Variants in SERGEF observed in about 807,000 individuals in gnomAD.
The protein encoded by SERGEF is secretion regulating guanine nucleotide exchange factor.
A neutral mutation model predicts 50.0 loss-of-function variants in SERGEF; 51 were observed. The observed-to-expected ratio is 1.02, with a 90% CI of 0.81 to 1.29. SERGEF has a LOEUF of 1.29. Among genes scored for constraint, SERGEF ranks in the 50% most tolerant of loss-of-function variants. The probability of loss-of-function intolerance (pLI) is 0.00; values close to 1 mark genes in which losing one functional copy is unlikely to be tolerated. For synonymous variants in SERGEF, 205 were observed against 212.4 expected, an observed-to-expected ratio of 0.97 and a Z score of 0.30; for missense variants, 521 against 557.0, an observed-to-expected ratio of 0.94 and a Z score of 0.65.
At chr11:17,834,683 T>C (rs1590144463) in intron 10 of SERGEF, among the ~76,000 whole-genome samples, 1 of 152,238 alleles carries the variant, frequency 6.6e-6, no homozygotes, top group East Asian at 1.9e-4. Context: ...AGCCTGAAGT[T>C]TTTTGCTTCC....
intron 8 of SERGEF, among the ~76,000 whole-genome samples, chr11:17,961,177 C>T (rs1852988975): frequency 6.6e-6 from 1 of 152,216 alleles, no homozygotes. Context: ...CCCAGGGTCA[C>T]ACAGCTAAGC....
At chr11:17,969,920 C>A (rs1439173570) in intron 8 of SERGEF, among the ~76,000 whole-genome samples, 12 of 152,220 alleles carry the variant, frequency 7.9e-5, no homozygotes. Flanking sequence ...CCTTAGAGAA[C>A]TTCTTACCCA....
intron 9 of SERGEF, among the ~76,000 whole-genome samples, chr11:17,938,815 T>C (rs1203680359): frequency 2.0e-5 from 3 of 152,200 alleles, no homozygotes; most frequent in Non-Finnish European, 4.4e-5. Context: ...AGTAGATCTA[T>C]GATACAAGTG....
rs1201990424 is a variant in SERGEF, at chr11:17,951,776, C to A, written c.1011+7694G>T. On this transcript the variant is annotated intron_variant, in intron 9 of 10. Coordinates refer to ENST00000265965, the MANE Select transcript of SERGEF (RefSeq NM_012139.4). Reference sequence around the variant, plus strand: ...TTCTGCCATGTACTGTGACTTTGAGCAGTGACAGCTTTCTTTCTCAACTTC... The same window carrying A: ...TTCTGCCATGTACTGTGACTTTGAGAAGTGACAGCTTTCTTTCTCAACTTC... Among the ~76,000 whole-genome samples the A allele has an allele frequency of 2.0e-5, 3 of 152,174 alleles. No homozygotes were observed. The East Asian group carries it at 5.8e-4, about 29-fold the overall frequency.
chr11:17,808,433 T>C (rs1006213553), intron 10 of SERGEF, among the ~76,000 whole-genome samples: 8 of 152,144 alleles, frequency 5.3e-5, no homozygotes, highest in Non-Finnish European at 8.8e-5. Context: ...GGAAGTGCCA[T>C]GCGCTTTTAA....
At chr11:17,950,475 G>A (rs981294226) in intron 9 of SERGEF, among the ~76,000 whole-genome samples, 1 of 152,202 alleles carries the variant, frequency 6.6e-6, no homozygotes, top group Non-Finnish European at 1.5e-5. Flanking sequence ...TAAAGAAAAA[G>A]AGCATAGTGC....
At chr11:17,967,810 G>A (rs1311393708) in intron 8 of SERGEF, among the ~76,000 whole-genome samples, 6 of 152,130 alleles carry the variant, frequency 3.9e-5, no homozygotes, top group Non-Finnish European at 7.4e-5. Flanking sequence ...TCCTTCCTGG[G>A]CCTTAGGGCC....
chr11:17,897,065 A>C (rs1255253395), intron 9 of SERGEF, among the ~76,000 whole-genome samples: 1 of 152,190 alleles, frequency 6.6e-6, no homozygotes, highest in Non-Finnish European at 1.5e-5. Context: ...AAAAGCTGAG[A>C]GTTTTCTCTG....
chr11:17,906,159 A>G (rs1243291970), intron 9 of SERGEF, among the ~76,000 whole-genome samples: 2 of 152,170 alleles, frequency 1.3e-5, no homozygotes, highest in Non-Finnish European at 2.9e-5. Flanking sequence ...TGGATGCTAC[A>G]TAGTTGGAGC....
At chr11:17,793,892 C>T (rs1392703161) in intron 10 of SERGEF, among the ~76,000 whole-genome samples, 2 of 152,242 alleles carry the variant, frequency 1.3e-5, no homozygotes, top group African/African-American at 4.8e-5. Context: ...GCCTAAGAGC[C>T]CTGCAGGCAA....
chr11:17,825,990 T>C (rs1565177945), intron 10 of SERGEF, among the ~76,000 whole-genome samples: 2 of 152,192 alleles, frequency 1.3e-5, no homozygotes, highest in Non-Finnish European at 2.9e-5. Context: ...TTGGGGGCTT[T>C]AGCAGCCCAG....
chr11:17,918,779 T>C (rs1852099931), intron 9 of SERGEF: 1 of 434,808 alleles, frequency 2.3e-6, no homozygotes. Flanking sequence ...CTAAAGCTAG[T>C]CTGGAAAAAA....
chr11:17,823,976 C>CTAAAGT (rs1178797533), intron 10 of SERGEF, among the ~76,000 whole-genome samples: 6 of 152,116 alleles, frequency 3.9e-5, no homozygotes, highest in African/African-American at 7.2e-5. Flanking sequence ...GTTGACATTG[C>CTAAAGT]TTGGTACCAC....
At chr11:17,826,953 G>A (rs1850207332) in intron 10 of SERGEF, among the ~76,000 whole-genome samples, 1 of 7,930 alleles carries the variant, frequency 1.3e-4, no homozygotes, top group Admixed American at 1.2e-3. Context: ...GGATCACACA[G>A]CTAGAAAGTG....
intron 8 of SERGEF, among the ~76,000 whole-genome samples, chr11:17,961,336 G>A (rs1000015826): frequency 6.6e-6 from 1 of 152,096 alleles, no homozygotes; most frequent in Non-Finnish European, 1.5e-5. Flanking sequence ...ATCCAAAACT[G>A]GCAAATTGTC....
intron 10 of SERGEF, among the ~76,000 whole-genome samples, chr11:17,868,941 G>A (rs1414108442): frequency 1.3e-5 from 2 of 152,068 alleles, no homozygotes; most frequent in African/African-American, 4.8e-5. Context: ...CAACACATGG[G>A]AATTCAATAT....
intron 10 of SERGEF, among the ~76,000 whole-genome samples, chr11:17,876,845 G>C (rs1851244075): frequency 6.6e-6 from 1 of 152,226 alleles, no homozygotes; most frequent in Admixed American, 6.5e-5. Context: ...CTTTTGATTA[G>C]CTTGTCTTAA....
At chr11:17,818,417 C>T (rs769116089) in intron 10 of SERGEF, among the ~76,000 whole-genome samples, 12 of 152,046 alleles carry the variant, frequency 7.9e-5, no homozygotes, top group South Asian at 2.1e-4. Context: ...TACAGTGTGC[C>T]GGGCTCCATA....
chr11:17,827,136 T>G (rs1241149724), intron 10 of SERGEF, among the ~76,000 whole-genome samples: 1 of 152,236 alleles, frequency 6.6e-6, no homozygotes, highest in African/African-American at 2.4e-5. Context: ...ATCCATCTTC[T>G]TGAAGGCTCC....
Sources: gnomAD v4.1 joint callset for allele counts (sites outside exome capture counted in the v4.1 genomes callset) on GRCh38, gnomAD v4.1.1 for gene constraint, MANE v1.5 for transcripts, NCBI Gene and HGNC (gene_info 2026-07-23, HGNC 2026-07-21) for gene names.